TMEM25: variants seen among roughly 807,000 people sequenced by gnomAD.
TMEM25 encodes 0610039J01Rik.
A neutral mutation model predicts 37.0 loss-of-function variants in TMEM25; 36 were observed. That is an observed-to-expected ratio of 0.97 (90% confidence interval 0.75 to 1.28). The LOEUF (loss-of-function observed/expected upper bound fraction) is 1.28, where lower values mean the gene tolerates loss of function less well. Among genes scored for constraint, TMEM25 ranks in the 50% most tolerant of loss-of-function variants. The probability of loss-of-function intolerance (pLI) is 0.00; values close to 1 mark genes in which losing one functional copy is unlikely to be tolerated. For synonymous variants in TMEM25, 197 were observed against 203.7 expected (o/e 0.97, Z 0.28); for missense variants, 444 against 477.9 (o/e 0.93, Z 0.66).
rs112051935 is a variant in TMEM25 at position 118,544,645 on chromosome 11, C to T, written c.1028-1474C>T. 6.7e-3 allele frequency: 2,685 copies of T among 398,268 alleles called. 67 individuals are homozygous for T. The highest frequency in any genetic ancestry group is 0.051 in the African/African-American group (2,503 of 49,112). 24.7% of individuals were successfully genotyped at this position (398,268 alleles called of 1,614,324 possible). The stretch of plus-strand genomic sequence containing the variant: ...TTTTAAGCTTTCCTCCCAATCTAAC[C>T]TCCATGGGATCTCAGAAATTCCAAT... On this transcript the variant is annotated intron_variant, in intron 8 of 8. Transcript: ENST00000354284.
chr11:118,546,240 G>A (rs1353995520), exon 9 of TMEM25: 6 of 708,988 alleles, frequency 8.5e-6, no homozygotes, highest in Admixed American at 8.2e-5. Flanking sequence ...CTTCACGCCT[G>A]TAATACCAGC....
chr11:118,539,546 C>T (rs1951551117), downstream of TMEM25, among the ~76,000 whole-genome samples: 1 of 151,870 alleles, frequency 6.6e-6, no homozygotes, highest in East Asian at 1.9e-4. Context: ...AGTTTCAGGT[C>T]TTATGTTTAA....
At position 118,534,881 on chromosome 11, in the gene TMEM25, G is replaced by A. The variant is rs1951465631; in HGVS notation, c.*301G>A. The A allele has an allele frequency of 1.7e-5, 22 of 1,263,256 alleles. No individual in the cohort carries two copies. Among genetic ancestry groups the A allele is most frequent in the Non-Finnish European group, 2.2e-5 (22 of 996,146 alleles). The allele number at this position is 1,263,256 out of a possible 1,614,324, so 78.3% of individuals were successfully genotyped here. Reference sequence around the variant, plus strand: ...CAGAGGGAGCTCTTTGGCCAGGGGTGTTCAGATGTCATCCAGCATCCAAGT... The same window carrying A: ...CAGAGGGAGCTCTTTGGCCAGGGGTATTCAGATGTCATCCAGCATCCAAGT... On this transcript the variant is annotated 3_prime_UTR_variant, in exon 9 of 9. Transcript: ENST00000313236. This position sits in a 1 kb window ranked among gnomAD's most constrained non-coding sequence, Gnocchi z 4.6.
chr11:118,539,937 C>T (rs1951556670), downstream of TMEM25, among the ~76,000 whole-genome samples: 1 of 148,060 alleles, frequency 6.8e-6, no homozygotes, highest in East Asian at 2.1e-4. Flanking sequence ...ATGAGAATTG[C>T]TTGAACCCGG....
At chr11:118,547,243 AG>A (rs1255582456), downstream of TMEM25, 4 of 152,224 alleles carry the variant, frequency 2.6e-5, no homozygotes, top group Non-Finnish European at 4.4e-5. Flanking sequence ...ACATTTTAGT[AG>A]GGAAGAACAA....
At chr11:118,532,537 G>T (rs117392809) in intron 3 of TMEM25, 76 bp downstream of exon 3, 1 of 1,492,474 alleles carries the variant, frequency 6.7e-7, no homozygotes, top group Non-Finnish European at 9.0e-7. Context: ...CAGGTGGTCC[G>T]CAGGACATTT....
At chr11:118,545,083 T>G in intron 8 of TMEM25, 1 of 1,129,500 alleles carries the variant, frequency 8.9e-7, no homozygotes, top group African/African-American at 1.5e-5. Context: ...AAGAATTAAT[T>G]TCTTTAAAAT....
At chr11:118,544,479 A>C (rs1228059674) in intron 8 of TMEM25, 1 of 157,288 alleles carries the variant, frequency 6.4e-6, no homozygotes, top group East Asian at 1.9e-4. Context: ...TCTCTGCGTT[A>C]TGCTCAGTCA....
chr11:118,531,719 C>G, intron 1 of TMEM25, 56 bp from the exon 2 acceptor site: 1 of 1,260,948 alleles, frequency 7.9e-7, no homozygotes, highest in Non-Finnish European at 1.1e-6. Context: ...ATTCCTGGAG[C>G]AATTGCTAGG....
intron 8 of TMEM25, among the ~76,000 whole-genome samples, chr11:118,542,449 A>C (rs1485013280): frequency 6.6e-6 from 1 of 152,204 alleles, no homozygotes; most frequent in Non-Finnish European, 1.5e-5. Flanking sequence ...GGAGGGGACA[A>C]ATAGGCAAAC....
intron 8 of TMEM25, among the ~76,000 whole-genome samples, chr11:118,540,988 GTTC>G (rs1366735527): frequency 6.6e-6 from 1 of 152,056 alleles, no homozygotes; most frequent in Non-Finnish European, 1.5e-5. Flanking sequence ...TGAATATGGG[GTTC>G]TTTTTTGGGG....
chr11:118,534,434 G>A lies in TMEM25; in HGVS notation c.1028-73G>A. On this transcript the variant is annotated intron_variant, in intron 8 of 8. Coordinates refer to ENST00000313236, the MANE Select transcript of TMEM25 (RefSeq NM_032780.4). This position sits in a 1 kb window ranked among gnomAD's most constrained non-coding sequence, Gnocchi z 4.6. ...ATGCCAGAGGCCTCCAAGTGCCCAG[G>A]AGGCAGAGAGAGCTCTCCAAATTCC... The A allele has an allele frequency of 1.2e-6, 2 of 1,610,354 alleles. No individual in the cohort carries two copies. Among genetic ancestry groups the A allele is most frequent in the Admixed American group, 1.7e-5 (1 of 59,626 alleles).
chr11:118,532,764 A>G (rs2135380582), intron 3 of TMEM25, 153 bp from the exon 4 acceptor site: 1 of 1,114,102 alleles, frequency 9.0e-7, no homozygotes, highest in East Asian at 2.4e-5. Context: ...ATCACTCCGA[A>G]ATGCTGCCTC....
In TMEM25 at chr11:118,535,400, G is replaced by A; in HGVS notation, c.*820G>A. ...CACTTTAAGCACATCCCCTAGGGGA[G>A]GGGGTGAGTGAGGGGCCCAGAGCCC... is the stretch of plus-strand genomic sequence containing the variant. On this transcript the variant is annotated 3_prime_UTR_variant, in exon 9 of 9. Coordinates refer to ENST00000313236, the MANE Select transcript of TMEM25 (RefSeq NM_032780.4). 1 of 1,432,028 alleles carries A rather than the reference G, an allele frequency of 7.0e-7. No homozygotes were observed. Among genetic ancestry groups the A allele is most frequent in the Non-Finnish European group, 9.1e-7 (1 of 1,095,824 alleles). 88.7% of individuals were successfully genotyped at this position (1,432,028 alleles called of 1,614,324 possible).
At chr11:118,536,381 T>TG (rs1413174367), downstream of TMEM25, among the ~76,000 whole-genome samples, 1 of 151,750 alleles carries the variant, frequency 6.6e-6, no homozygotes, top group African/African-American at 2.4e-5. Flanking sequence ...TTAGTAGAGA[T>TG]GGGGTTTCTC....
chr11:118,540,670 G>C, downstream of TMEM25, among the ~76,000 whole-genome samples: 1 of 152,262 alleles, frequency 6.6e-6, no homozygotes, highest in East Asian at 1.9e-4. Flanking sequence ...ACATCCCTTA[G>C]ATCAGGGATT....
At chr11:118,542,077 T>C (rs538772921) in intron 8 of TMEM25, among the ~76,000 whole-genome samples, 26 of 152,164 alleles carry the variant, frequency 1.7e-4, no homozygotes, top group Non-Finnish European at 3.1e-4. Flanking sequence ...CACTTACAAG[T>C]AAGAACATGC....
Position 118,533,173 on chromosome 11 carries a change from C to T in TMEM25, c.639C>T (p.Asp213=), listed in dbSNP as rs782728974. 11 of 1,551,934 alleles carry T rather than the reference C, an allele frequency of 7.1e-6. No individual in the cohort carries two copies. The highest frequency in any genetic ancestry group is 1.1e-5 in the South Asian group (1 of 87,932). Residue 213 remains aspartate, a synonymous_variant, in exon 4 of 9, where the codon GAC becomes GAT. Coordinates refer to ENST00000313236, the MANE Select transcript of TMEM25 (RefSeq NM_032780.4). ...ACCTCTCGGTGGTGGCCACCAATGA[C>T]GTGGGTGTCACCAGTGCGTCGCTTC... ...AHNLSVVATN[D]VGVTSASLPA...
chr11:118,539,030 A>G (rs549243776), downstream of TMEM25, among the ~76,000 whole-genome samples: 177 of 152,176 alleles, frequency 1.2e-3, no homozygotes, highest in Non-Finnish European at 2.0e-3. Context: ...ATAGTTTGTG[A>G]ATATTTTCTC....
Sources: allele counts gnomAD v4.1 joint callset (sites outside exome capture counted in the v4.1 genomes callset), GRCh38; gene constraint gnomAD v4.1.1; non-coding constraint Gnocchi (gnomAD v3.1); transcripts MANE v1.5; gene names NCBI Gene and HGNC (gene_info 2026-07-23, HGNC 2026-07-21).